The following ABAT variants were observed in gnomAD, a reference collection of about 807,000 sequenced individuals.
The protein encoded by ABAT is 4-aminobutyrate aminotransferase, mitochondrial.
ABAT carries 45 observed loss-of-function variants against 64.6 expected under a neutral mutation model. That is an observed-to-expected ratio of 0.70 (90% CI 0.55 to 0.89). The LOEUF is 0.89. Ranked by LOEUF, ABAT falls within the 40% of genes least tolerant of loss-of-function variation. The pLI is 0.00. For synonymous variants in ABAT, 297 were observed against 250.5 expected (o/e 1.19, Z -1.75); for missense variants, 633 against 658.4 (o/e 0.96, Z 0.42).
chr16:8,680,135 G>C (rs1229188053), intron 1 of ABAT, among the ~76,000 whole-genome samples: 2 of 151,666 alleles, frequency 1.3e-5, no homozygotes, highest in African/African-American at 4.9e-5. Flanking sequence ...CCCAACTCCT[G>C]TCATCCACAT....
At chr16:8,744,115 C>T (rs1354554854) in intron 2 of ABAT, among the ~76,000 whole-genome samples, 1 of 152,104 alleles carries the variant, frequency 6.6e-6, no homozygotes, top group Admixed American at 6.6e-5. Context: ...TGCATTCAAA[C>T]AAATGATGGG....
rs1160144275 is a variant in ABAT, at chr16:8,749,386, C to CTTTTTTTTTT, written c.199-1015_199-1006dup. Among the ~76,000 whole-genome samples, 56 of 32,016 alleles carry CTTTTTTTTTT rather than the reference C, an allele frequency of 1.7e-3. 17 individuals carry two copies. Among genetic ancestry groups the CTTTTTTTTTT allele is most frequent in the Non-Finnish European group, 2.4e-3 (44 of 18,080 alleles). 21.0% of individuals were successfully genotyped at this position (32,016 alleles called of 152,430 possible). ...ACAGGCGTGAGCCACCGCACCCGGC[C>CTTTTTTTTTT]TTTTTTTTTTTTTTTTTTTTTTTTT... On this transcript the variant is annotated intron_variant, in intron 4 of 15. Coordinates refer to ENST00000268251, the MANE Select transcript of ABAT (RefSeq NM_020686.6).
chr16:8,763,788 A>G (rs899694712), intron 6 of ABAT, among the ~76,000 whole-genome samples: 1 of 152,244 alleles, frequency 6.6e-6, no homozygotes, highest in Non-Finnish European at 1.5e-5. Flanking sequence ...AGCCCCATGT[A>G]CGCTTCGCTC....
Position 8,776,330 on chromosome 16 carries a change from G to A in ABAT, c.1123-14G>A, listed in dbSNP as rs758870080. On this transcript the variant is annotated splice_polypyrimidine_tract_variant and intron_variant, in intron 13 of 15. Transcript: ENST00000268251. This position sits in a 1 kb window ranked among gnomAD's most constrained non-coding sequence, Gnocchi z 4.4. ...ATGTGTGTGAAGCCTTCCAACACCC[G>A]TTCCTCATTCCAGCCCTACCGGATC... is the stretch of plus-strand genomic sequence containing the variant. The A allele has an allele frequency of 2.0e-5, 33 of 1,613,996 alleles. No individual in the cohort carries two copies. The highest frequency in any genetic ancestry group is 2.3e-5 in the Non-Finnish European group (27 of 1,180,038).
At chr16:8,759,193 A>T (rs376571457) in intron 6 of ABAT, among the ~76,000 whole-genome samples, 2 of 152,244 alleles carry the variant, frequency 1.3e-5, no homozygotes. Flanking sequence ...TGAATTTCCC[A>T]TGTAACCAAA....
Position 8,748,152 on chromosome 16 carries a change from G to C in ABAT, c.198+15G>C. On this transcript the variant is annotated intron_variant, in intron 4 of 15. Coordinates refer to ENST00000268251, the MANE Select transcript of ABAT (RefSeq NM_020686.6). ...ATATAATTCAGGTAAGTGAGGAGGAGGTAACTTTCCTTCTGTTGCTTCTTT... is the reference window on the plus strand; with the variant it reads ...ATATAATTCAGGTAAGTGAGGAGGACGTAACTTTCCTTCTGTTGCTTCTTT... 3 of 1,611,720 alleles carry C rather than the reference G, an allele frequency of 1.9e-6. No individual in the cohort carries two copies. Among genetic ancestry groups the C allele is most frequent in the Non-Finnish European group, 2.5e-6 (3 of 1,178,042 alleles).
intron 1 of ABAT, among the ~76,000 whole-genome samples, chr16:8,703,911 A>G (rs1482642610): frequency 6.6e-6 from 1 of 152,238 alleles, no homozygotes. Flanking sequence ...CTGTGTTTCA[A>G]TAAAGCTTTA....
At chr16:8,677,417 C>G (rs191655728) in intron 1 of ABAT, among the ~76,000 whole-genome samples, 1 of 152,142 alleles carries the variant, frequency 6.6e-6, no homozygotes, top group East Asian at 1.9e-4. Flanking sequence ...AGAGAGTTGG[C>G]CACTGGTAGT....
intron 9 of ABAT, among the ~76,000 whole-genome samples, chr16:8,767,930 C>T (rs374555223): frequency 1.3e-5 from 2 of 152,070 alleles, no homozygotes; most frequent in East Asian, 1.9e-4. Flanking sequence ...CCTGCCTCAG[C>T]CTTCCAAAGT....
intron 1 of ABAT, among the ~76,000 whole-genome samples, chr16:8,684,891 A>G (rs1033797967): frequency 1.2e-4 from 19 of 152,214 alleles, no homozygotes; most frequent in African/African-American, 4.6e-4. Context: ...AGGGAGGTCT[A>G]AATAGATTCA....
chr16:8,782,115 T>C lies in ABAT; in HGVS notation c.*685T>C, dbSNP rs1355685223. 6.5e-6 allele frequency: 1 copy of C among 153,250 alleles called. No homozygotes were observed. The highest frequency in any genetic ancestry group is 2.4e-5 in the African/African-American group (1 of 41,400). The allele number at this position is 153,250 out of a possible 1,614,324, so 9.5% of individuals were successfully genotyped here. A position where few individuals can be genotyped will look rare whatever the true frequency, so the allele number is the denominator to read the frequency against. The stretch of plus-strand genomic sequence containing the variant: ...TGGACAGGGCTTTGCCCTTGGAGGA[T>C]CCCCAGGTGGCCTTACCCGTGATTC... On this transcript the variant is annotated 3_prime_UTR_variant, in exon 16 of 16. Transcript: ENST00000268251.
rs1346856890 is a variant in ABAT, at chr16:8,715,635, A to T, written c.-41-20064A>T. 10 of 13,292 alleles carry T rather than the reference A, an allele frequency of 7.5e-4. No homozygotes were observed. In the South Asian group the frequency reaches 0.015, roughly 20 times the overall value. 0.8% of individuals were successfully genotyped at this position (13,292 alleles called of 1,614,324 possible). A position where few individuals can be genotyped will look rare whatever the true frequency, so the allele number is the denominator to read the frequency against. The stretch of plus-strand genomic sequence containing the variant: ...GTGATAGAGCGAGACCCTGTCTCTA[A>T]AAAAAAAAAAAAAAAAAAAAACAAT... On this transcript the variant is annotated intron_variant, in intron 1 of 15. Transcript: ENST00000268251.
intron 2 of ABAT, among the ~76,000 whole-genome samples, chr16:8,743,012 A>AAG (rs1222694118): frequency 7.3e-5 from 11 of 150,158 alleles, no homozygotes; most frequent in African/African-American, 2.7e-4. Context: ...TTCTTTAAAA[A>AAG]AAAAAAAAAA....
At chr16:8,750,604 C>G in intron 5 of ABAT, 65 bp downstream of exon 5, 1 of 1,472,676 alleles carries the variant, frequency 6.8e-7, no homozygotes. Context: ...TCGTGGCTAT[C>G]CAGGTATTAG....
intron 1 of ABAT, among the ~76,000 whole-genome samples, chr16:8,729,966 A>C (rs1426055143): frequency 6.6e-6 from 1 of 152,166 alleles, no homozygotes; most frequent in Non-Finnish European, 1.5e-5. Context: ...GGAATGGGGA[A>C]GTATCTGAGA....
chr16:8,766,223 C>T lies in ABAT; in HGVS notation c.556C>T (p.Gln186Ter). ...ATTGTTTCAGAGCAAGGAAAGAGGG[C>T]AGAGGGGCTTCTCCCAGGAGGAGCT... ...FMWYRSKERG[Q>*]RGFSQEELET... Residue 186 changes from glutamine to a stop codon, truncating the protein, a stop_gained, in exon 9 of 16, where the codon CAG (glutamine) becomes TAG (stop). Transcript: ENST00000268251. LOFTEE classifies it high-confidence loss of function. 6.2e-7 allele frequency: 1 copy of T among 1,613,986 alleles called. No homozygotes were observed. The highest frequency in any genetic ancestry group is 8.5e-7 in the Non-Finnish European group (1 of 1,179,908).
chr16:8,706,575 G>A lies in ABAT; in HGVS notation c.-41-29124G>A, dbSNP rs952943530. On this transcript the variant is annotated intron_variant, in intron 1 of 15. Transcript: ENST00000268251. ...CTAAAAATACAAAAATTAGCCGGGT[G>A]TGGTGGCACGCTCCTGTAATCCAGC... is the stretch of plus-strand genomic sequence containing the variant. 4.6e-5 allele frequency among the ~76,000 whole-genome samples: 7 copies of A among 152,100 alleles called. No individual in the cohort carries two copies. In the South Asian group the frequency reaches 1.2e-3, roughly 27 times the overall value.
intron 1 of ABAT, 92 bp from the exon 2 acceptor site, chr16:8,735,607 C>G: frequency 9.6e-7 from 1 of 1,040,904 alleles, no homozygotes; most frequent in Non-Finnish European, 1.4e-6. Context: ...GAAGAACTTT[C>G]TCTATTAGGT....
chr16:8,689,167 T>C (rs17651173), intron 1 of ABAT, among the ~76,000 whole-genome samples: 3,800 of 152,284 alleles, frequency 0.025, 86 homozygotes, highest in South Asian at 0.1. Flanking sequence ...TTCATATTTA[T>C]CTCCAGCATC....
Sources: allele counts gnomAD v4.1 joint callset (sites outside exome capture counted in the v4.1 genomes callset), GRCh38; gene constraint gnomAD v4.1.1; non-coding constraint Gnocchi (gnomAD v3.1); transcripts MANE v1.5; gene names NCBI Gene and HGNC (gene_info 2026-07-23, HGNC 2026-07-21).